MDGA2: variants seen among roughly 807,000 people sequenced by gnomAD.
The protein encoded by MDGA2 is MAM domain-containing glycosylphosphatidylinositol anchor protein 2.
Under a neutral mutation model 117.8 loss-of-function variants are expected in MDGA2, and 40 were observed. That is an observed-to-expected ratio of 0.34 (90% CI 0.26 to 0.44). The LOEUF (loss-of-function observed/expected upper bound fraction) is 0.44. Ranked by LOEUF, MDGA2 falls within the 20% of genes least tolerant of loss-of-function variation. The pLI is 1.00. For synonymous variants in MDGA2, 452 were observed against 439.0 expected (o/e 1.03, Z -0.37); for missense variants, 1,123 against 1,250.6 (o/e 0.90, Z 1.54).
chr14:47,108,870 C>T (rs1351802513), intron 5 of MDGA2, among the ~76,000 whole-genome samples: 6 of 152,250 alleles, frequency 3.9e-5, no homozygotes, highest in Admixed American at 6.5e-5. Flanking sequence ...AGATGATCCC[C>T]GTGTATAAGC....
chr14:47,188,809 T>C (rs1235798686), intron 3 of MDGA2, among the ~76,000 whole-genome samples: 11 of 151,954 alleles, frequency 7.2e-5, no homozygotes, highest in Admixed American at 7.2e-4. Flanking sequence ...AGCAAAGAGA[T>C]CAAAAAAATC....
chr14:47,365,169 C>A (rs1405138691), intron 1 of MDGA2, among the ~76,000 whole-genome samples: 1 of 152,196 alleles, frequency 6.6e-6, no homozygotes, highest in Non-Finnish European at 1.5e-5. Flanking sequence ...ATCCGCCTCT[C>A]AATAGTATAT....
rs1882478716 is a variant in MDGA2, at chr14:46,882,008, A to T, written c.2416+36T>A. On this transcript the variant is annotated intron_variant, in intron 11 of 16. Coordinates refer to ENST00000399232, the MANE Select transcript of MDGA2 (RefSeq NM_001113498.3). Reference sequence around the variant, plus strand: ...ACCAAAATTTTCCATATAGTTAAATATATAAATAAATAATTTTAAATGAAA... The same window carrying T: ...ACCAAAATTTTCCATATAGTTAAATTTATAAATAAATAATTTTAAATGAAA... The T allele has an allele frequency of 2.1e-6, 3 of 1,402,052 alleles. No individual in the cohort carries two copies. In the East Asian group the frequency reaches 7.8e-5, roughly 37 times the overall value. The allele number at this position is 1,402,052 out of a possible 1,614,324, so 86.9% of individuals were successfully genotyped here.
At chr14:47,458,684 T>C (rs1056812894) in intron 1 of MDGA2, among the ~76,000 whole-genome samples, 7 of 152,166 alleles carry the variant, frequency 4.6e-5, no homozygotes, top group African/African-American at 1.7e-4. Flanking sequence ...GAGGTAACTA[T>C]GAGAGTTTAT....
intron 1 of MDGA2, among the ~76,000 whole-genome samples, chr14:47,359,152 A>G (rs1190845941): frequency 1.3e-5 from 2 of 152,132 alleles, no homozygotes; most frequent in Non-Finnish European, 2.9e-5. Context: ...TCAGGAGATC[A>G]AGACTATCCT....
At chr14:47,207,604 T>C (rs542042959) in intron 3 of MDGA2, among the ~76,000 whole-genome samples, 1 of 152,116 alleles carries the variant, frequency 6.6e-6, no homozygotes, top group South Asian at 2.1e-4. Flanking sequence ...AAAAGCTTTT[T>C]TTCACATATT....
intron 8 of MDGA2, among the ~76,000 whole-genome samples, chr14:47,005,622 G>A (rs1350870050): frequency 6.6e-6 from 1 of 151,198 alleles, no homozygotes; most frequent in Non-Finnish European, 1.5e-5. Flanking sequence ...AATAATGTTG[G>A]CATAATTGAA....
At chr14:47,041,955 T>G (rs898369689) in intron 7 of MDGA2, among the ~76,000 whole-genome samples, 1 of 152,064 alleles carries the variant, frequency 6.6e-6, no homozygotes, top group Non-Finnish European at 1.5e-5. Context: ...AAAGCTATAT[T>G]TCTTTCAATA....
At chr14:47,634,729 C>A (rs1463026274) in intron 1 of MDGA2, among the ~76,000 whole-genome samples, 2 of 151,806 alleles carry the variant, frequency 1.3e-5, no homozygotes, top group African/African-American at 2.4e-5. Flanking sequence ...GTTCTTGAGC[C>A]CCAGTTCATA....
chr14:46,946,905 C>A, intron 9 of MDGA2, among the ~76,000 whole-genome samples: 1 of 152,060 alleles, frequency 6.6e-6, no homozygotes, highest in East Asian at 1.9e-4. Context: ...GGTCCTTCCC[C>A]TTATATCCTC....
chr14:47,028,835 T>A (rs1888564090), intron 8 of MDGA2, among the ~76,000 whole-genome samples: 1 of 152,198 alleles, frequency 6.6e-6, no homozygotes. Context: ...TGAAAGTCAT[T>A]ATTACCCTCC....
chr14:47,665,128 C>T (rs1897919546), intron 1 of MDGA2, among the ~76,000 whole-genome samples: 1 of 152,030 alleles, frequency 6.6e-6, no homozygotes, highest in African/African-American at 2.4e-5. Flanking sequence ...CCACCTAGAA[C>T]CCACACAATA....
chr14:47,413,810 G>A (rs767930711), intron 1 of MDGA2, among the ~76,000 whole-genome samples: 2 of 151,880 alleles, frequency 1.3e-5, no homozygotes, highest in African/African-American at 2.4e-5. Context: ...AGGACGTTAT[G>A]AAAACAAGGG....
chr14:46,936,181 C>T (rs570716495), intron 9 of MDGA2, among the ~76,000 whole-genome samples: 2 of 151,958 alleles, frequency 1.3e-5, no homozygotes, highest in South Asian at 2.1e-4. Flanking sequence ...ATCACTTGAG[C>T]TCCTGTTCAT....
chr14:46,935,241 A>G (rs185242054), intron 9 of MDGA2, among the ~76,000 whole-genome samples: 52 of 152,192 alleles, frequency 3.4e-4, no homozygotes, highest in South Asian at 4.1e-4. Flanking sequence ...CAAATCGCCC[A>G]TTTTGTAGTG....
At chr14:46,860,505 G>A (rs1881466154) in intron 14 of MDGA2, among the ~76,000 whole-genome samples, 1 of 151,704 alleles carries the variant, frequency 6.6e-6, no homozygotes, top group Non-Finnish European at 1.5e-5. Context: ...TGTCCTTATG[G>A]TTCTCCAGTT....
chr14:46,952,680 A>G (rs1885411803), intron 9 of MDGA2, among the ~76,000 whole-genome samples: 1 of 151,958 alleles, frequency 6.6e-6, no homozygotes, highest in Admixed American at 6.6e-5. Context: ...AAAAGTCACC[A>G]TAACTGTAGC....
At chr14:47,481,883 A>G (rs1370151056) in intron 1 of MDGA2, among the ~76,000 whole-genome samples, 1 of 152,058 alleles carries the variant, frequency 6.6e-6, no homozygotes, top group Admixed American at 6.6e-5. Flanking sequence ...CCAACTATCC[A>G]AAGTGTCCTA....
chr14:46,848,760 T>C (rs970878260), intron 15 of MDGA2, among the ~76,000 whole-genome samples: 8 of 151,886 alleles, frequency 5.3e-5, no homozygotes, highest in African/African-American at 1.7e-4. Context: ...AGGAAGCGGA[T>C]TGACTAATGT....
Sources: gnomAD v4.1 joint callset for allele counts (sites outside exome capture counted in the v4.1 genomes callset) on GRCh38, gnomAD v4.1.1 for gene constraint, MANE v1.5 for transcripts, NCBI Gene and HGNC (gene_info 2026-07-23, HGNC 2026-07-21) for gene names.